Variants in ACAD10 observed in about 807,000 individuals in gnomAD.
ACAD10 encodes ACAD-10.
A neutral mutation model predicts 116.8 loss-of-function variants in ACAD10; 112 were observed. The ratio of observed to expected loss-of-function variants is 0.96; its 90% CI spans 0.82 to 1.12. The LOEUF (loss-of-function observed/expected upper bound fraction) is 1.12. Among genes scored for constraint, ACAD10 ranks in the 50% most tolerant of loss-of-function variants. ACAD10 has a pLI of 0.00. For missense variants in ACAD10, 1,259 were observed against 1,350.2 expected, an observed-to-expected ratio of 0.93 and a Z score of 1.06; for synonymous variants, 486 against 510.6, an observed-to-expected ratio of 0.95 and a Z score of 0.65.
At chr12:111,700,723 T>TTTCCTTCCTTCCTTCCTTCCTTCCTTCC (rs1174883043) in intron 2 of ACAD10, among the ~76,000 whole-genome samples, 24 of 150,584 alleles carry the variant, frequency 1.6e-4, no homozygotes, top group African/African-American at 5.5e-4. Flanking sequence ...GTCCTTTTAC[T>TTTCCTTCCTTCCTTCCTTCCTTCCTTCC]TTCCTTCCTT....
intron 7 of ACAD10, 99 bp downstream of exon 7, chr12:111,716,061 A>G: frequency 6.6e-7 from 1 of 1,506,388 alleles, no homozygotes; most frequent in Non-Finnish European, 9.0e-7. Context: ...AAATACCCCA[A>G]GACATTTAAA....
chr12:111,706,639 G>A (rs1888513257), intron 4 of ACAD10, among the ~76,000 whole-genome samples: 1 of 150,464 alleles, frequency 6.6e-6, no homozygotes, highest in African/African-American at 2.4e-5. Context: ...TAGTAGAGAC[G>A]GGGGTTTCAC....
chr12:111,715,226 C>T (rs1888807110), intron 6 of ACAD10, among the ~76,000 whole-genome samples: 1 of 152,332 alleles, frequency 6.6e-6, no homozygotes. Flanking sequence ...TCAGTCTATA[C>T]CCAGGGTTCA....
At chr12:111,710,244 C>G (rs1045934754) in intron 5 of ACAD10, 2 of 451,774 alleles carry the variant, frequency 4.4e-6, no homozygotes, top group Non-Finnish European at 8.9e-6. Flanking sequence ...TACACCACCA[C>G]ACCCGACTAA....
At chr12:111,715,543 C>A (rs1046680301) in intron 6 of ACAD10, 2 of 376,082 alleles carry the variant, frequency 5.3e-6, no homozygotes, top group Non-Finnish European at 9.8e-6. Flanking sequence ...GCAGGAAGGA[C>A]AAAATTGGAC....
intron 8 of ACAD10, among the ~76,000 whole-genome samples, chr12:111,725,936 A>G (rs1299708461): frequency 6.6e-6 from 1 of 152,144 alleles, no homozygotes; most frequent in Non-Finnish European, 1.5e-5. Context: ...AATCCAAAAC[A>G]TCTTTTGTAA....
intron 8 of ACAD10, among the ~76,000 whole-genome samples, chr12:111,724,628 C>T (rs1473346409): frequency 1.3e-5 from 2 of 152,204 alleles, no homozygotes; most frequent in Non-Finnish European, 2.9e-5. Context: ...CACAGCGAAA[C>T]CCCGTCTCCA....
chr12:111,722,369 C>CTATT (rs200521229), intron 8 of ACAD10, among the ~76,000 whole-genome samples: 19,045 of 150,532 alleles, frequency 0.13, 3,024 homozygotes, highest in East Asian at 0.59. Flanking sequence ...CGGCCCTAAA[C>CTATT]TATTTATTTA....
chr12:111,742,406 C>T (rs1889771014), intron 12 of ACAD10, among the ~76,000 whole-genome samples: 1 of 152,190 alleles, frequency 6.6e-6, no homozygotes, highest in Non-Finnish European at 1.5e-5. Context: ...ACTGACTTCC[C>T]TGGGTTAGGT....
chr12:111,738,214 G>A (rs539578947), intron 12 of ACAD10, among the ~76,000 whole-genome samples: 1 of 152,204 alleles, frequency 6.6e-6, no homozygotes, highest in East Asian at 1.9e-4. Flanking sequence ...TTGCTCGCTA[G>A]TATGACAAAA....
chr12:111,755,731 G>A lies in ACAD10; in HGVS notation c.3025G>A (p.Asp1009Asn). Residue 1009 changes from aspartate (D) to asparagine (N), a missense_variant, in exon 20 of 21, where the codon GAT (aspartate) becomes AAT (asparagine). Asp to Asn is a conservative substitution (Grantham distance 23). Coordinates refer to ENST00000313698, the MANE Select transcript of ACAD10 (RefSeq NM_025247.6). The stretch of plus-strand genomic sequence containing the variant: ...CCCGTCCATGGCCTCCCGAGTGATT[G>A]ATCGTGCGATTCAGGTGAGCACAGA... ...VAPSMASRVI[D>N]RAIQAFGAAG... 6.2e-7 allele frequency: 1 copy of A among 1,613,818 alleles called. No individual in the cohort carries two copies. Among genetic ancestry groups the A allele is most frequent in the Non-Finnish European group, 8.5e-7 (1 of 1,179,960 alleles).
intron 1 of ACAD10, among the ~76,000 whole-genome samples, chr12:111,689,665 C>T (rs1197840924): frequency 6.6e-6 from 1 of 151,792 alleles, no homozygotes; most frequent in Non-Finnish European, 1.5e-5. Flanking sequence ...GCGTCAGTTA[C>T]TGTGCCCTTA....
At chr12:111,735,057 A>G (rs1034945032) in intron 11 of ACAD10, among the ~76,000 whole-genome samples, 2 of 152,028 alleles carry the variant, frequency 1.3e-5, no homozygotes, top group African/African-American at 4.8e-5. Context: ...CCCCGTCTCT[A>G]CTAAAAATAC....
At chr12:111,705,406 T>TG (rs1396233045) in intron 3 of ACAD10, among the ~76,000 whole-genome samples, 3 of 152,148 alleles carry the variant, frequency 2.0e-5, no homozygotes, top group African/African-American at 7.2e-5. Flanking sequence ...AAAAAAAAAT[T>TG]TTTTTTAGAT....
At chr12:111,755,830 T>C (rs2068079318) in intron 20 of ACAD10, 85 bp downstream of exon 20, 1 of 1,350,236 alleles carries the variant, frequency 7.4e-7, no homozygotes, top group Non-Finnish European at 1.1e-6. Flanking sequence ...CAGCCTCCCA[T>C]AGACCCTGGC....
intron 20 of ACAD10, 187 bp downstream of exon 20, chr12:111,755,932 A>T (rs1462279002): frequency 4.2e-6 from 3 of 719,292 alleles, no homozygotes; most frequent in East Asian, 5.5e-5. Context: ...TCGTACCCCC[A>T]TTTTGAATGT....
At chr12:111,751,683 A>G (rs1156888458) in intron 18 of ACAD10, among the ~76,000 whole-genome samples, 1 of 151,550 alleles carries the variant, frequency 6.6e-6, no homozygotes, top group African/African-American at 2.4e-5. Flanking sequence ...CTGAGCTGAG[A>G]TTGCACCACT....
chr12:111,724,710 G>T (rs1889160855), intron 8 of ACAD10, among the ~76,000 whole-genome samples: 1 of 151,374 alleles, frequency 6.6e-6, no homozygotes, highest in South Asian at 2.1e-4. Context: ...AGGAGAATCA[G>T]GCAGGGAGGT....
intron 4 of ACAD10, among the ~76,000 whole-genome samples, chr12:111,706,412 A>T (rs758717094): frequency 1.3e-5 from 2 of 152,292 alleles, no homozygotes; most frequent in Non-Finnish European, 2.9e-5. Flanking sequence ...TCGTTTTGAC[A>T]TGCTTGGCTA....
Sources: allele counts gnomAD v4.1 joint callset (sites outside exome capture counted in the v4.1 genomes callset), GRCh38; gene constraint gnomAD v4.1.1; transcripts MANE v1.5; gene names NCBI Gene and HGNC (gene_info 2026-07-23, HGNC 2026-07-21).